Variants in KIF6 observed in about 807,000 individuals in gnomAD.
KIF6 encodes kinesin family member 6.
In KIF6, 106 loss-of-function variants were observed where a neutral mutation model predicts 112.7. The observed-to-expected ratio is 0.94, with a 90% confidence interval of 0.80 to 1.11. The LOEUF (loss-of-function observed/expected upper bound fraction) is 1.11. Among genes scored for constraint, KIF6 ranks in the 50% least tolerant of loss-of-function variants. The probability of loss-of-function intolerance (pLI) is 0.00; values close to 1 mark genes in which losing one functional copy is unlikely to be tolerated. For missense variants in KIF6, 929 were observed against 964.0 expected (o/e 0.96, Z 0.48); for synonymous variants, 339 against 339.9 (o/e 1.00, Z 0.03).
rs186482498 is a variant in KIF6 at position 39,442,753 on chromosome 6, G to T, written c.1646-11592C>A. 3.5e-3 allele frequency among the ~76,000 whole-genome samples: 540 copies of T among 152,298 alleles called. 7 individuals carry two copies. The highest frequency in any genetic ancestry group is 0.012 in the African/African-American group (517 of 41,558). ...TCTGAGTGGAAGAACGCGTGTGTCT[G>T]AATTCTTTGTAGGTTGACTGACAGC... On this transcript the variant is annotated intron_variant, in intron 13 of 22. Transcript: ENST00000287152.
intron 13 of KIF6, among the ~76,000 whole-genome samples, chr6:39,500,216 G>A (rs1562267129): frequency 6.6e-6 from 1 of 152,190 alleles, no homozygotes; most frequent in East Asian, 1.9e-4. Flanking sequence ...AGTGCCAATG[G>A]CATGAAAAGT....
At chr6:39,705,089 T>C (rs909689048) in intron 3 of KIF6, among the ~76,000 whole-genome samples, 4 of 152,204 alleles carry the variant, frequency 2.6e-5, no homozygotes, top group African/African-American at 7.2e-5. Context: ...CTGAGGAAGA[T>C]ACTAACAACA....
At chr6:39,471,367 G>C (rs565070912) in intron 13 of KIF6, among the ~76,000 whole-genome samples, 1 of 152,162 alleles carries the variant, frequency 6.6e-6, no homozygotes, top group Non-Finnish European at 1.5e-5. Flanking sequence ...CTGCCTTCTT[G>C]TCTGGCCACG....
intron 3 of KIF6, chr6:39,691,840 G>A (rs188965306): frequency 5.8e-4 from 88 of 152,266 alleles, no homozygotes; most frequent in Middle Eastern, 3.4e-3. Flanking sequence ...CAGACTTGCT[G>A]GGTTGATCCA....
chr6:39,337,920 A>G (rs906614627), intron 22 of KIF6, among the ~76,000 whole-genome samples: 1 of 152,210 alleles, frequency 6.6e-6, no homozygotes, highest in African/African-American at 2.4e-5. Context: ...GCTTCACAAA[A>G]TGTGGTCCAT....
chr6:39,642,294 A>G (rs1784946873), intron 3 of KIF6, among the ~76,000 whole-genome samples: 1 of 152,218 alleles, frequency 6.6e-6, no homozygotes. Context: ...AGAAGTGTTT[A>G]TGTAAGACAA....
chr6:39,601,914 C>T (rs1782597129), intron 6 of KIF6, among the ~76,000 whole-genome samples: 1 of 151,916 alleles, frequency 6.6e-6, no homozygotes, highest in African/African-American at 2.4e-5. Flanking sequence ...AACAACATTC[C>T]CAGAAGACCA....
chr6:39,598,605 GTATC>G (rs1415221951), intron 6 of KIF6, among the ~76,000 whole-genome samples: 8 of 151,390 alleles, frequency 5.3e-5, no homozygotes, highest in African/African-American at 1.9e-4. Flanking sequence ...GTGTGTGTGT[GTATC>G]TATATATCTA....
intron 3 of KIF6, among the ~76,000 whole-genome samples, chr6:39,685,372 A>T (rs1184141526): frequency 6.6e-6 from 1 of 152,176 alleles, no homozygotes; most frequent in East Asian, 1.9e-4. Flanking sequence ...GGCAGATATG[A>T]CGTGGGAGAA....
chr6:39,715,662 T>C (rs1341206515), intron 2 of KIF6, among the ~76,000 whole-genome samples: 3 of 151,834 alleles, frequency 2.0e-5, no homozygotes, highest in East Asian at 3.9e-4. Flanking sequence ...CCATCACTCC[T>C]GGCTAATTTT....
Position 39,440,041 on chromosome 6 carries a change from G to T in KIF6, c.1646-8880C>A, listed in dbSNP as rs1389348078. On this transcript the variant is annotated intron_variant, in intron 13 of 22. Transcript: ENST00000287152. The stretch of plus-strand genomic sequence containing the variant: ...TCGGAGCCAAAAATATATTTTCCTT[G>T]GGAGATATTCACTCGCGTGGGGCCT... Among the ~76,000 whole-genome samples, 3 of 152,138 alleles carry T rather than the reference G, an allele frequency of 2.0e-5. No individual in the cohort carries two copies. The East Asian group carries it at 5.8e-4, about 29-fold the overall frequency.
intron 19 of KIF6, among the ~76,000 whole-genome samples, chr6:39,355,014 C>T (rs986609259): frequency 6.6e-6 from 1 of 152,088 alleles, no homozygotes; most frequent in Non-Finnish European, 1.5e-5. Flanking sequence ...TCTTCCTCTA[C>T]AAACAATATC....
rs897348280 is a variant in KIF6 at position 39,335,054 on chromosome 6, A to G, written c.*1478T>C. The stretch of plus-strand genomic sequence containing the variant: ...TGAACTGAAGGACCGTTTACTGAAC[A>G]GCGACTCTGTGCTTGGGACACAGCA... On this transcript the variant is annotated 3_prime_UTR_variant, in exon 23 of 23. Coordinates refer to ENST00000287152, the MANE Select transcript of KIF6 (RefSeq NM_145027.6). 1 of 152,216 alleles carries G rather than the reference A, an allele frequency of 6.6e-6. No homozygotes were observed. The highest frequency in any genetic ancestry group is 2.4e-5 in the African/African-American group (1 of 41,450). 9.4% of individuals were successfully genotyped at this position (152,216 alleles called of 1,614,324 possible). A position where few individuals can be genotyped will look rare whatever the true frequency, so the allele number is the denominator to read the frequency against.
chr6:39,372,001 C>T (rs1766041166), intron 16 of KIF6, among the ~76,000 whole-genome samples: 1 of 152,116 alleles, frequency 6.6e-6, no homozygotes, highest in South Asian at 2.1e-4. Context: ...GGAAATCGAG[C>T]CTTAGCAGGC....
At chr6:39,518,763 C>A (rs531700653) in intron 13 of KIF6, among the ~76,000 whole-genome samples, 1 of 152,290 alleles carries the variant, frequency 6.6e-6, no homozygotes, top group Admixed American at 6.5e-5. Context: ...ACTCGTTGAG[C>A]TTTTGTGGGT....
intron 13 of KIF6, among the ~76,000 whole-genome samples, chr6:39,536,383 A>G (rs1264568162): frequency 6.6e-6 from 1 of 152,218 alleles, no homozygotes; most frequent in Non-Finnish European, 1.5e-5. Context: ...TAAAGGGGAT[A>G]TCACCACTGA....
At chr6:39,431,790 T>C (rs1771173861) in intron 13 of KIF6, among the ~76,000 whole-genome samples, 1 of 152,094 alleles carries the variant, frequency 6.6e-6, no homozygotes, top group Non-Finnish European at 1.5e-5. Context: ...CAACCCTCAC[T>C]GCTGGGCGCT....
At chr6:39,541,498 CCAT>C (rs1778784749) in intron 12 of KIF6, among the ~76,000 whole-genome samples, 1 of 152,206 alleles carries the variant, frequency 6.6e-6, no homozygotes, top group Admixed American at 6.5e-5. Flanking sequence ...ATGGCAATAT[CCAT>C]CGACTCCATC....
At chr6:39,557,292 G>A (rs1779755767) in intron 10 of KIF6, among the ~76,000 whole-genome samples, 3 of 152,118 alleles carry the variant, frequency 2.0e-5, no homozygotes, top group Admixed American at 2.0e-4. Context: ...TAAAGCAAGT[G>A]TATGTAAATT....
Sources: gnomAD v4.1 joint callset for allele counts (sites outside exome capture counted in the v4.1 genomes callset) on GRCh38, gnomAD v4.1.1 for gene constraint, MANE v1.5 for transcripts, NCBI Gene and HGNC (gene_info 2026-07-23, HGNC 2026-07-21) for gene names.